Variants in ZDHHC2 observed in about 807,000 individuals in gnomAD.
ZDHHC2 encodes the protein zDHHC palmitoyltransferase 2, also known as palmitoyltransferase ZDHHC2.
ZDHHC2 carries 51 observed loss-of-function variants against 55.6 expected under a neutral mutation model. The observed-to-expected ratio is 0.92, with a 90% CI of 0.73 to 1.16. The LOEUF (loss-of-function observed/expected upper bound fraction) is 1.16, where lower values mean the gene tolerates loss of function less well. ZDHHC2 is among the 50% of genes most tolerant of loss of function. ZDHHC2 has a pLI of 0.00. For missense variants in ZDHHC2, 491 were observed against 442.4 expected (o/e 1.11, Z -0.99); for synonymous variants, 199 against 152.9 (o/e 1.30, Z -2.22).
intron 1 of ZDHHC2, among the ~76,000 whole-genome samples, chr8:17,163,052 T>C (rs926798785): frequency 1.1e-4 from 16 of 152,238 alleles, no homozygotes; most frequent in Non-Finnish European, 2.1e-4. Context: ...GGGCCACTTT[T>C]ACTCTGTCCA....
intron 7 of ZDHHC2, among the ~76,000 whole-genome samples, chr8:17,206,265 T>G (rs1159021524): frequency 6.6e-6 from 1 of 152,216 alleles, no homozygotes; most frequent in African/African-American, 2.4e-5. Context: ...TTAGATAAGC[T>G]TGATTCAGGC....
intron 1 of ZDHHC2, among the ~76,000 whole-genome samples, chr8:17,158,953 G>A (rs1198544312): frequency 1.3e-5 from 2 of 152,234 alleles, no homozygotes; most frequent in African/African-American, 4.8e-5. Context: ...TTTTATTGCT[G>A]TAGAAACAAA....
At chr8:17,200,093 T>C (rs891462014) in intron 6 of ZDHHC2, among the ~76,000 whole-genome samples, 4 of 152,132 alleles carry the variant, frequency 2.6e-5, no homozygotes, top group Admixed American at 6.5e-5. Context: ...TTTGTTGACT[T>C]CCCCTGCAGC....
At position 17,156,610 on chromosome 8, in the gene ZDHHC2, C is replaced by G; in HGVS notation, c.-114C>G. 6.0e-6 allele frequency: 5 copies of G among 837,734 alleles called. No individual in the cohort carries two copies. Among genetic ancestry groups the G allele is most frequent in the Non-Finnish European group, 7.3e-6 (5 of 684,454 alleles). 51.9% of individuals were successfully genotyped at this position (837,734 alleles called of 1,614,324 possible). ...CACGGCGGCGGCAGTGGCCGCAGCGCACCCCGCCGCCGCCCAGGAGCCCGT... is the reference window on the plus strand; with the variant it reads ...CACGGCGGCGGCAGTGGCCGCAGCGGACCCCGCCGCCGCCCAGGAGCCCGT... On this transcript the variant is annotated 5_prime_UTR_variant, in exon 1 of 13. Transcript: ENST00000262096.
rs1310317438 is a variant in ZDHHC2 at position 17,199,321 on chromosome 8, G to T, written c.476+908G>T. The stretch of plus-strand genomic sequence containing the variant: ...AGGCTAGTCAACCCATACAAGAATG[G>T]CACTCTTCTTAAAGGTCTCAATAAA... On this transcript the variant is annotated intron_variant, in intron 6 of 12. Coordinates refer to ENST00000262096, the MANE Select transcript of ZDHHC2 (RefSeq NM_016353.5). 2.0e-5 allele frequency among the ~76,000 whole-genome samples: 3 copies of T among 152,068 alleles called. No individual in the cohort carries two copies. The East Asian group carries it at 5.8e-4, about 29-fold the overall frequency.
intron 1 of ZDHHC2, among the ~76,000 whole-genome samples, chr8:17,160,009 G>A (rs1039921095): frequency 1.3e-5 from 2 of 152,112 alleles, no homozygotes; most frequent in African/African-American, 4.8e-5. Flanking sequence ...TTTGTACGGG[G>A]AACTTTAGGA....
intron 1 of ZDHHC2, among the ~76,000 whole-genome samples, chr8:17,166,209 G>T (rs1342064720): frequency 1.3e-5 from 2 of 152,202 alleles, no homozygotes; most frequent in Non-Finnish European, 2.9e-5. Context: ...GGTGAGCGAT[G>T]ATGGTGTGTG....
chr8:17,205,907 C>T (rs980995268), intron 7 of ZDHHC2, 132 bp downstream of exon 7: 20 of 842,746 alleles, frequency 2.4e-5, no homozygotes, highest in African/African-American at 2.1e-4. Context: ...CCTCATTATT[C>T]GCAGATTCTT....
chr8:17,194,182 G>A (rs1806187034), intron 3 of ZDHHC2, among the ~76,000 whole-genome samples: 2 of 152,212 alleles, frequency 1.3e-5, no homozygotes, highest in South Asian at 4.1e-4. Context: ...GGGCATTTGG[G>A]TTGGTTCCAA....
At chr8:17,165,701 G>A (rs1313832691) in intron 1 of ZDHHC2, among the ~76,000 whole-genome samples, 4 of 152,158 alleles carry the variant, frequency 2.6e-5, no homozygotes, top group African/African-American at 9.7e-5. Flanking sequence ...ACATTAGACA[G>A]TTTGTTAGAG....
rs1413510251 is a variant in ZDHHC2 at position 17,172,497 on chromosome 8, C to G, written c.131-12292C>G. On this transcript the variant is annotated intron_variant, in intron 1 of 12. Coordinates refer to ENST00000262096, the MANE Select transcript of ZDHHC2 (RefSeq NM_016353.5). ...TTCAGGTACGTTAGATGAATGAGTTCTAGAGATCGGCTCTACATCCACGTG... is the reference window on the plus strand; with the variant it reads ...TTCAGGTACGTTAGATGAATGAGTTGTAGAGATCGGCTCTACATCCACGTG... Among the ~76,000 whole-genome samples the G allele has an allele frequency of 2.0e-5, 3 of 152,168 alleles. No individual in the cohort carries two copies. The East Asian group carries it at 5.8e-4, about 29-fold the overall frequency.
At chr8:17,216,696 A>G (rs1277633906) in intron 11 of ZDHHC2, among the ~76,000 whole-genome samples, 2 of 152,184 alleles carry the variant, frequency 1.3e-5, no homozygotes, top group Admixed American at 6.6e-5. Context: ...ACATGCTATT[A>G]TAATTCTTCG....
intron 1 of ZDHHC2, among the ~76,000 whole-genome samples, chr8:17,164,903 A>C (rs2150880147): frequency 6.6e-6 from 1 of 152,336 alleles, no homozygotes; most frequent in African/African-American, 2.4e-5. Context: ...AGTAAGGGTG[A>C]GTACATGGAG....
chr8:17,198,346 G>A lies in ZDHHC2; in HGVS notation c.444-35G>A, dbSNP rs760777061. On this transcript the variant is annotated intron_variant, in intron 5 of 12. Transcript: ENST00000262096. ...AATTTAATATGATTAAAATTTCATGGGGTATTAGGTTTTGTGTTCTGCTTT... is the reference window on the plus strand; with the variant it reads ...AATTTAATATGATTAAAATTTCATGAGGTATTAGGTTTTGTGTTCTGCTTT... 2.0e-5 allele frequency: 31 copies of A among 1,557,950 alleles called. No homozygotes were observed. In the Admixed American group the frequency reaches 4.7e-4, roughly 24 times the overall value.
In ZDHHC2 at chr8:17,163,365, G is replaced by A. The variant is rs570163577; in HGVS notation, c.130+6512G>A. 3.9e-5 allele frequency among the ~76,000 whole-genome samples: 6 copies of A among 152,290 alleles called. No homozygotes were observed. The South Asian group carries it at 1.0e-3, about 26-fold the overall frequency. On this transcript the variant is annotated intron_variant, in intron 1 of 12. Coordinates refer to ENST00000262096, the MANE Select transcript of ZDHHC2 (RefSeq NM_016353.5). ...CACATCTCAGGCTGCATGGTCCAGC[G>A]AGCTCAGGTGTTTGATCTTTTTTCG...
intron 4 of ZDHHC2, among the ~76,000 whole-genome samples, chr8:17,196,385 T>A (rs532731124): frequency 4.9e-4 from 74 of 151,970 alleles, no homozygotes; most frequent in Non-Finnish European, 8.5e-4. Flanking sequence ...GTATGAAAAA[T>A]ATATATAAAA....
At position 17,195,485 on chromosome 8, in the gene ZDHHC2, A is replaced by T; in HGVS notation, c.253-19A>T. On this transcript the variant is annotated intron_variant, in intron 3 of 12. Coordinates refer to ENST00000262096, the MANE Select transcript of ZDHHC2 (RefSeq NM_016353.5). ...AATTTCTTTGAAAATACTGATTAAG[A>T]TTTAAATGTATTCCACAGTTCCATC... is the stretch of plus-strand genomic sequence containing the variant. The T allele has an allele frequency of 6.2e-7, 1 of 1,603,562 alleles. No homozygotes were observed. Among genetic ancestry groups the T allele is most frequent in the East Asian group, 2.2e-5 (1 of 44,580 alleles).
At chr8:17,173,287 T>C (rs534445263) in intron 1 of ZDHHC2, among the ~76,000 whole-genome samples, 1 of 152,302 alleles carries the variant, frequency 6.6e-6, no homozygotes. Context: ...CGTTAGAAGT[T>C]ATACCTCTGT....
At chr8:17,198,134 A>C (rs745992694) in intron 5 of ZDHHC2, among the ~76,000 whole-genome samples, 12 of 152,146 alleles carry the variant, frequency 7.9e-5, no homozygotes, top group Admixed American at 3.3e-4. Context: ...TATTGTTTTT[A>C]GGAAATGAGT....
Sources: gnomAD v4.1 joint callset for allele counts (sites outside exome capture counted in the v4.1 genomes callset) on GRCh38, gnomAD v4.1.1 for gene constraint, MANE v1.5 for transcripts, NCBI Gene and HGNC (gene_info 2026-07-23, HGNC 2026-07-21) for gene names.